PLAUR: variants seen among roughly 807,000 people sequenced by gnomAD.
The protein encoded by PLAUR is plasminogen activator, urokinase receptor.
PLAUR carries 22 observed loss-of-function variants against 33.4 expected under a neutral mutation model. The observed-to-expected ratio is 0.66, with a 90% CI of 0.47 to 0.94. The LOEUF is 0.94. PLAUR is among the 40% of genes least tolerant of loss of function. The pLI is 0.00. For missense variants in PLAUR, 408 were observed against 434.7 expected, an observed-to-expected ratio of 0.94 and a Z score of 0.55; for synonymous variants, 148 against 167.3, an observed-to-expected ratio of 0.88 and a Z score of 0.89.
chr19:43,648,046 G>A (rs1202696452), downstream of PLAUR, among the ~76,000 whole-genome samples: 1 of 151,718 alleles, frequency 6.6e-6, no homozygotes, highest in African/African-American at 2.4e-5. Flanking sequence ...TGTGGGGTTG[G>A]AAAGTCTCTG....
chr19:43,666,224 G>A (rs1442632522), intron 2 of PLAUR, among the ~76,000 whole-genome samples: 1 of 151,996 alleles, frequency 6.6e-6, no homozygotes, highest in Non-Finnish European at 1.5e-5. Context: ...TACTGTGCTT[G>A]GCTTCATATA....
chr19:43,660,033 T>C (rs748360323), intron 3 of PLAUR, among the ~76,000 whole-genome samples: 12 of 152,236 alleles, frequency 7.9e-5, no homozygotes, highest in Non-Finnish European at 1.5e-4. Flanking sequence ...CAGTTGGATT[T>C]TTCTCTTGGT....
At chr19:43,665,048 A>G in intron 3 of PLAUR, 1 of 490,234 alleles carries the variant, frequency 2.0e-6, no homozygotes. Flanking sequence ...TGTGCTTGGA[A>G]CAGGGCTGGG....
intron 5 of PLAUR, 97 bp from the exon 6 acceptor site, chr19:43,652,468 G>C: frequency 8.3e-7 from 1 of 1,200,864 alleles, no homozygotes; most frequent in South Asian, 1.4e-5. Flanking sequence ...CCGAGCCAGA[G>C]ATGTCATGGA....
chr19:43,656,378 GTCCCTTGCTGACA>G, intron 4 of PLAUR, 88 bp downstream of exon 4: 1 of 1,091,306 alleles, frequency 9.2e-7, no homozygotes, highest in Non-Finnish European at 1.3e-6. Flanking sequence ...AGAGAACTTA[GTCCCTTGCTGACA>G]TCCCTGTTAC....
intron 2 of PLAUR, among the ~76,000 whole-genome samples, chr19:43,666,263 T>TA (rs950124035): frequency 6.6e-6 from 1 of 152,098 alleles, no homozygotes; most frequent in South Asian, 2.1e-4. Flanking sequence ...TTAAAGCTTA[T>TA]AAAAAACGTA....
intron 3 of PLAUR, 26 bp from the exon 4 acceptor site, chr19:43,656,666 G>T: frequency 1.3e-6 from 2 of 1,561,948 alleles, no homozygotes; most frequent in Non-Finnish European, 1.7e-6. Context: ...GGAGGGGAGT[G>T]AGACTCCATG....
In PLAUR at chr19:43,670,091, C is replaced by T. The variant is rs781453492; in HGVS notation, c.30G>A (p.Leu10=). The change falls in exon 1 of 7, where the codon CTG becomes CTA. Residue 10 remains leucine (L), a synonymous_variant. Coordinates refer to ENST00000340093, the MANE Select transcript of PLAUR (RefSeq NM_002659.4). Reference sequence around the variant, plus strand: ...CTGGGACGCAGGTGTGGAGCAGCAGCAGCAGCGGCAGCAGCGGCGGGTGAC... The same window carrying T: ...CTGGGACGCAGGTGTGGAGCAGCAGTAGCAGCGGCAGCAGCGGCGGGTGAC... MGHPPLLPL[L]LLLHTCVPAS... 1 of 1,612,674 alleles carries T rather than the reference C, an allele frequency of 6.2e-7. No individual in the cohort carries two copies. Among genetic ancestry groups the T allele is most frequent in the Admixed American group, 1.7e-5 (1 of 59,962 alleles).
At chr19:43,654,401 A>T (rs1430745388) in intron 5 of PLAUR, among the ~76,000 whole-genome samples, 3 of 152,152 alleles carry the variant, frequency 2.0e-5, no homozygotes, top group African/African-American at 7.2e-5. Context: ...TCTAAGAGGA[A>T]GGGGAAGTCA....
At chr19:43,652,064 A>G in intron 6 of PLAUR, 161 bp downstream of exon 6, 1 of 1,410,520 alleles carries the variant, frequency 7.1e-7, no homozygotes, top group Non-Finnish European at 9.3e-7. Flanking sequence ...CTGATGGACA[A>G]GTCCTAATTC....
rs3052823 is a variant in PLAUR, at chr19:43,659,167, C to CTTTTTTTTTTTTTTTTTTTT, written c.311-2528_311-2527insAAAAAAAAAAAAAAAAAAAA. On this transcript the variant is annotated intron_variant, in intron 3 of 6. Coordinates refer to ENST00000340093, the MANE Select transcript of PLAUR (RefSeq NM_002659.4). ...GCTATTTTCCTTTTTCTTTTCTTTTCTTTTTTTTTTTTTTTGAGATAGGGT... is the reference window on the plus strand; with the variant it reads ...GCTATTTTCCTTTTTCTTTTCTTTTCTTTTTTTTTTTTTTTTTTTTTTTTTTTTTTTTTTTGAGATAGGGT... Among the ~76,000 whole-genome samples the CTTTTTTTTTTTTTTTTTTTT allele has an allele frequency of 4.1e-5, 4 of 97,138 alleles. 2 individuals carry two copies. The highest frequency in any genetic ancestry group is 7.6e-5 in the Non-Finnish European group (4 of 52,306). The allele number at this position is 97,138 out of a possible 152,430, so 63.7% of individuals were successfully genotyped here. A position where few individuals can be genotyped will look rare whatever the true frequency, so the allele number is the denominator to read the frequency against.
intron 6 of PLAUR, among the ~76,000 whole-genome samples, chr19:43,650,172 A>G: frequency 6.7e-6 from 1 of 149,826 alleles, no homozygotes; most frequent in Non-Finnish European, 1.5e-5. Flanking sequence ...CACCATGCCC[A>G]GCTAATTTTT....
chr19:43,666,200 G>A (rs1967236867), intron 2 of PLAUR, among the ~76,000 whole-genome samples: 1 of 152,036 alleles, frequency 6.6e-6, no homozygotes, highest in East Asian at 1.9e-4. Context: ...GTAGCTAGGG[G>A]TACAAATGTG....
chr19:43,657,367 T>C (rs974350206), intron 3 of PLAUR, among the ~76,000 whole-genome samples: 2 of 152,090 alleles, frequency 1.3e-5, no homozygotes, highest in African/African-American at 4.8e-5. Context: ...TCAAAGCCTA[T>C]CAAATACTGG....
intron 2 of PLAUR, 23 bp downstream of exon 2, chr19:43,667,558 G>C: frequency 6.6e-7 from 1 of 1,521,664 alleles, no homozygotes; most frequent in Non-Finnish European, 9.1e-7. Flanking sequence ...CTGGAGGGGT[G>C]TGTGGGTTGG....
chr19:43,665,182 G>A, intron 3 of PLAUR, 134 bp downstream of exon 3: 1 of 849,552 alleles, frequency 1.2e-6, no homozygotes, highest in Non-Finnish European at 1.9e-6. Flanking sequence ...AGATGGGTTG[G>A]GTTGGGGTTG....
At position 43,668,129 on chromosome 19, in the gene PLAUR, A is replaced by G. The variant is rs756808942; in HGVS notation, c.56-438T>C. On this transcript the variant is annotated intron_variant, in intron 1 of 6. Coordinates refer to ENST00000340093, the MANE Select transcript of PLAUR (RefSeq NM_002659.4). The stretch of plus-strand genomic sequence containing the variant: ...CCACCCGCGTCGATCTTTATGTTAT[A>G]CCGTCACTCCCAGTGCCCTAATGGA... The G allele has an allele frequency of 4.6e-4, 464 of 1,000,294 alleles. No individual in the cohort carries two copies. The Middle Eastern group carries it at 8.5e-3, about 18-fold the overall frequency. 62.0% of individuals were successfully genotyped at this position (1,000,294 alleles called of 1,614,324 possible).
At chr19:43,652,097 T>C in intron 6 of PLAUR, 128 bp downstream of exon 6, 4 of 1,511,010 alleles carry the variant, frequency 2.6e-6, no homozygotes, top group Non-Finnish European at 2.7e-6. Context: ...TTCACCCACC[T>C]GAAGGAAATC....
downstream of PLAUR, among the ~76,000 whole-genome samples, chr19:43,646,969 C>T (rs574557969): frequency 8.1e-4 from 123 of 151,974 alleles, no homozygotes; most frequent in Middle Eastern, 6.8e-3. Flanking sequence ...TTAGTAGAGA[C>T]GGGGTTTTGC....
Sources: allele counts gnomAD v4.1 joint callset (sites outside exome capture counted in the v4.1 genomes callset), GRCh38; gene constraint gnomAD v4.1.1; transcripts MANE v1.5; gene names NCBI Gene and HGNC (gene_info 2026-07-23, HGNC 2026-07-21).